ZNF385D: variants seen among roughly 807,000 people sequenced by gnomAD.
The protein encoded by ZNF385D is zinc finger protein 385D, also known as zinc finger protein 659.
A neutral mutation model predicts 35.8 loss-of-function variants in ZNF385D; 15 were observed. The observed-to-expected ratio is 0.42, with a 90% CI of 0.28 to 0.64. The LOEUF is 0.64. Ranked by LOEUF, ZNF385D falls within the 30% of genes least tolerant of loss-of-function variation. The pLI is 0.23. For missense variants in ZNF385D, 474 were observed against 494.6 expected, an observed-to-expected ratio of 0.96 and a Z score of 0.39; for synonymous variants, 212 against 186.8, an observed-to-expected ratio of 1.13 and a Z score of -1.10.
At chr3:22,133,874 G>T (rs1576376469) in intron 3 of ZNF385D, 1 of 151,776 alleles carries the variant, frequency 6.6e-6, no homozygotes, top group South Asian at 2.1e-4. Context: ...TAACTACTAA[G>T]TGAAGGGATA....
intron 3 of ZNF385D, among the ~76,000 whole-genome samples, chr3:22,061,064 T>C (rs549354586): frequency 9.3e-4 from 141 of 152,238 alleles, no homozygotes; most frequent in Non-Finnish European, 1.5e-3. Flanking sequence ...AGGGCAGTAT[T>C]AATATTACTA....
intron 3 of ZNF385D, among the ~76,000 whole-genome samples, chr3:22,130,731 T>A (rs1264549455): frequency 6.6e-6 from 1 of 152,156 alleles, no homozygotes; most frequent in Non-Finnish European, 1.5e-5. Context: ...TTTTCTACCA[T>A]CTTTCCTGCT....
rs75677653 is a variant in ZNF385D at position 22,041,631 on chromosome 3, C to T, written c.325+127186G>A. On this transcript the variant is annotated intron_variant, in intron 3 of 5. Transcript: ENST00000494108. ...ATCTGAACACTAAAATAGGCTCAGA[C>T]TGAATTGATCAATGTATATTGTTTA... Among the ~76,000 whole-genome samples the T allele has an allele frequency of 3.4e-3, 512 of 152,152 alleles. 5 individuals carry two copies. Among genetic ancestry groups the T allele is most frequent in the East Asian group, 0.031 (162 of 5,162 alleles).
chr3:22,325,623 G>A (rs566753312), intron 2 of ZNF385D, among the ~76,000 whole-genome samples: 1 of 152,166 alleles, frequency 6.6e-6, no homozygotes, highest in Non-Finnish European at 1.5e-5. Context: ...GCCGGGCATG[G>A]TGATACAAAT....
intron 3 of ZNF385D, among the ~76,000 whole-genome samples, chr3:22,049,606 G>A (rs901769515): frequency 4.3e-4 from 65 of 152,082 alleles, no homozygotes; most frequent in African/African-American, 1.5e-3. Flanking sequence ...AATCTTAGAG[G>A]AAAAGCTTTC....
intron 3 of ZNF385D, among the ~76,000 whole-genome samples, chr3:21,545,020 C>G (rs1356260726): frequency 1.3e-5 from 2 of 152,128 alleles, no homozygotes; most frequent in African/African-American, 4.8e-5. Context: ...ATAATGCTAA[C>G]ATATGTTCGA....
rs116560057 is a variant in ZNF385D, at chr3:22,155,167, G to A, written c.325+13650C>T. On this transcript the variant is annotated intron_variant, in intron 3 of 5. Coordinates refer to the ZNF385D transcript ENST00000494108. ...TATATAAAAATATCACGTGTACCCC[G>A]TAAATATCTATAATTATTGTGTATC... Among the ~76,000 whole-genome samples, 935 of 152,074 alleles carry A rather than the reference G, an allele frequency of 6.1e-3. 8 individuals are homozygous for A. Among genetic ancestry groups the A allele is most frequent in the African/African-American group, 0.021 (871 of 41,506 alleles).
intron 1 of ZNF385D, among the ~76,000 whole-genome samples, chr3:21,669,711 C>T (rs2066504260): frequency 6.6e-6 from 1 of 152,140 alleles, no homozygotes; most frequent in African/African-American, 2.4e-5. Context: ...CTGGCGCTCA[C>T]CACATGAGAA....
At chr3:21,976,089 C>A (rs567820052) in intron 3 of ZNF385D, among the ~76,000 whole-genome samples, 1 of 152,100 alleles carries the variant, frequency 6.6e-6, no homozygotes, top group Non-Finnish European at 1.5e-5. Flanking sequence ...ATGGGGAAAA[C>A]TAGAGGGATC....
chr3:21,477,966 C>A (rs1354260918), intron 4 of ZNF385D, among the ~76,000 whole-genome samples: 1 of 152,074 alleles, frequency 6.6e-6, no homozygotes, highest in Non-Finnish European at 1.5e-5. Context: ...TGGGAAGGGG[C>A]ATGCTTCCAG....
intron 3 of ZNF385D, among the ~76,000 whole-genome samples, chr3:22,108,482 G>A (rs1702344620): frequency 1.3e-5 from 2 of 152,164 alleles, no homozygotes; most frequent in African/African-American, 4.8e-5. Context: ...TTGAATGAGT[G>A]CACACATTAT....
intron 2 of ZNF385D, among the ~76,000 whole-genome samples, chr3:22,321,131 C>T (rs1417446014): frequency 4.1e-5 from 6 of 144,640 alleles, no homozygotes; most frequent in African/African-American, 1.5e-4. Flanking sequence ...TTCTAAATTT[C>T]ACCTTACTGC....
chr3:21,763,211 G>T (rs186995059), intron 3 of ZNF385D, among the ~76,000 whole-genome samples: 2 of 152,230 alleles, frequency 1.3e-5, no homozygotes, highest in Admixed American at 1.3e-4. Flanking sequence ...AAAAACCCAA[G>T]ATTTAAATGG....
chr3:21,822,061 T>C (rs1383920347), intron 3 of ZNF385D, among the ~76,000 whole-genome samples: 2 of 151,840 alleles, frequency 1.3e-5, no homozygotes, highest in African/African-American at 4.8e-5. Flanking sequence ...ATTGGTTTAG[T>C]CAAGTTAAAA....
chr3:21,881,660 A>G (rs1322732273), intron 3 of ZNF385D, among the ~76,000 whole-genome samples: 1 of 152,000 alleles, frequency 6.6e-6, no homozygotes, highest in East Asian at 1.9e-4. Context: ...TATTATATTT[A>G]AGAAAAACAT....
intron 2 of ZNF385D, among the ~76,000 whole-genome samples, chr3:22,175,142 T>C (rs917337821): frequency 6.6e-6 from 1 of 152,054 alleles, no homozygotes; most frequent in Non-Finnish European, 1.5e-5. Flanking sequence ...ATGGAGTTTA[T>C]AATTCTTATA....
chr3:21,448,956 T>G (rs447169), intron 4 of ZNF385D, among the ~76,000 whole-genome samples: 1 of 151,864 alleles, frequency 6.6e-6, no homozygotes, highest in South Asian at 2.1e-4. Flanking sequence ...AGCGCTAATT[T>G]AAACATTTAA....
intron 3 of ZNF385D, among the ~76,000 whole-genome samples, chr3:22,032,708 G>A (rs115382372): frequency 2.3e-4 from 35 of 152,300 alleles, no homozygotes; most frequent in African/African-American, 7.9e-4. Context: ...TAGGGAAAGG[G>A]CATTTAGGTA....
At chr3:21,845,800 T>C (rs1695969889) in intron 3 of ZNF385D, among the ~76,000 whole-genome samples, 1 of 152,002 alleles carries the variant, frequency 6.6e-6, no homozygotes, top group African/African-American at 2.4e-5. Flanking sequence ...GTCTTTAACT[T>C]GTAAAGGAGA....
Sources: allele counts gnomAD v4.1 joint callset (sites outside exome capture counted in the v4.1 genomes callset), GRCh38; gene constraint gnomAD v4.1.1; transcripts MANE v1.5; gene names NCBI Gene and HGNC (gene_info 2026-07-23, HGNC 2026-07-21).